Variants in PDK1 observed in about 807,000 individuals in gnomAD.
PDK1 encodes [Pyruvate dehydrogenase (acetyl-transferring)] kinase isozyme 1, mitochondrial.
A neutral mutation model predicts 54.2 loss-of-function variants in PDK1; 39 were observed. That is an observed-to-expected ratio of 0.72 (90% CI 0.56 to 0.94). The LOEUF is 0.94. Ranked by LOEUF, PDK1 falls within the 40% of genes least tolerant of loss-of-function variation. The pLI, the probability that PDK1 is intolerant of heterozygous loss-of-function variation, is 0.00. For missense variants in PDK1, 552 were observed against 566.0 expected (o/e 0.98, Z 0.25); for synonymous variants, 221 against 207.1 (o/e 1.07, Z -0.58).
At chr2:172,618,349 G>A in the PDK1 span, among the ~76,000 whole-genome samples, 3 of 152,238 alleles carry the variant, frequency 2.0e-5, no homozygotes, top group Non-Finnish European at 2.9e-5. Flanking sequence ...AAAAACAAGA[G>A]ATCTTTTTTA....
At chr2:172,675,170 TCTC>T in the PDK1 span, among the ~76,000 whole-genome samples, 1 of 152,058 alleles carries the variant, frequency 6.6e-6, no homozygotes. Flanking sequence ...TCACTCTCTC[TCTC>T]CTCGGCCTCC....
chr2:172,650,329 G>A, the PDK1 span, among the ~76,000 whole-genome samples: 1 of 152,136 alleles, frequency 6.6e-6, no homozygotes, highest in African/African-American at 2.4e-5. Context: ...AGCTCCTGAA[G>A]GAAGCACTAA....
Position 172,600,362 on chromosome 2 carries a change from A to C in PDK1, c.*4393A>C, listed in dbSNP as rs543925347. ...GAGCCCATATGATTATATAACTATA[A>C]AATAGGATGGGACAGAGAAAAATAT... is the stretch of plus-strand genomic sequence containing the variant. On this transcript the variant is annotated 3_prime_UTR_variant, in exon 11 of 11. Coordinates refer to ENST00000282077, the MANE Select transcript of PDK1 (RefSeq NM_002610.5). 2 of 152,358 alleles carry C rather than the reference A, an allele frequency of 1.3e-5. No homozygotes were observed. Among genetic ancestry groups the C allele is most frequent in the African/African-American group, 4.8e-5 (2 of 41,584 alleles). 9.4% of individuals were successfully genotyped at this position (152,358 alleles called of 1,614,324 possible). A position where few individuals can be genotyped will look rare whatever the true frequency, so the allele number is the denominator to read the frequency against.
chr2:172,622,705 T>TATATTATGTGAGATATGTTTATATCTC, the PDK1 span, among the ~76,000 whole-genome samples: 125 of 118,252 alleles, frequency 1.1e-3, no homozygotes, highest in African/African-American at 1.9e-3. Context: ...TTATATCTCA[T>TATATTATGTGAGATATGTTTATATCTC]ATATTATGTG....
the PDK1 span, among the ~76,000 whole-genome samples, chr2:172,637,992 G>A: frequency 3.1e-3 from 465 of 152,220 alleles, 3 homozygotes; most frequent in African/African-American, 0.011. Flanking sequence ...ACTGCACCCA[G>A]CCTGCATTTA....
At position 172,603,289 on chromosome 2, in the gene PDK1, A is replaced by C. The variant is rs1465579188; in HGVS notation, c.*7320A>C. The C allele has an allele frequency of 6.6e-6, 1 of 152,230 alleles. No individual in the cohort carries two copies. Among genetic ancestry groups the C allele is most frequent in the Non-Finnish European group, 1.5e-5 (1 of 68,042 alleles). 9.4% of individuals were successfully genotyped at this position (152,230 alleles called of 1,614,324 possible). A position where few individuals can be genotyped will look rare whatever the true frequency, so the allele number is the denominator to read the frequency against. On this transcript the variant is annotated 3_prime_UTR_variant, in exon 11 of 11. Transcript: ENST00000282077. ...ATTCTTAGAGTACTTAAAAAAGATA[A>C]GAAGGATCTATTCCTGATATACAGG...
intron 8 of PDK1, 115 bp from the exon 9 acceptor site, chr2:172,586,158 CAAAAA>C (rs373332447): frequency 5.0e-4 from 175 of 351,820 alleles, no homozygotes; most frequent in Middle Eastern, 1.2e-3. Context: ...GACTCTGTCT[CAAAAA>C]AAAAAAAAAA....
chr2:172,616,881 A>G, the PDK1 span, among the ~76,000 whole-genome samples: 1 of 152,194 alleles, frequency 6.6e-6, no homozygotes, highest in Non-Finnish European at 1.5e-5. Flanking sequence ...AGAACATGGT[A>G]TACAGTGTAC....
chr2:172,654,006 A>G, the PDK1 span, among the ~76,000 whole-genome samples: 5 of 152,360 alleles, frequency 3.3e-5, no homozygotes, highest in South Asian at 4.1e-4. Flanking sequence ...TATGCAGCCA[A>G]TAGACACATG....
the PDK1 span, among the ~76,000 whole-genome samples, chr2:172,700,847 A>G: frequency 1.3e-5 from 2 of 152,340 alleles, no homozygotes; most frequent in South Asian, 4.1e-4. Flanking sequence ...ACCAAAAAAT[A>G]TAAAAACCAG....
chr2:172,653,980 C>T, the PDK1 span, among the ~76,000 whole-genome samples: 2 of 152,196 alleles, frequency 1.3e-5, no homozygotes, highest in South Asian at 2.1e-4. Flanking sequence ...ACAGACACCT[C>T]TCAAAAGAAA....
chr2:172,685,048 C>T, the PDK1 span, among the ~76,000 whole-genome samples: 1 of 152,160 alleles, frequency 6.6e-6, no homozygotes. Context: ...TCTCTCCTGC[C>T]ACATTGTAAA....
At chr2:172,679,751 G>GA in the PDK1 span, among the ~76,000 whole-genome samples, 5 of 148,378 alleles carry the variant, frequency 3.4e-5, no homozygotes, top group South Asian at 4.3e-4. Context: ...GGGAGAGAAA[G>GA]AAAAAAAAAG....
At chr2:172,669,051 ATTTTTT>A in the PDK1 span, among the ~76,000 whole-genome samples, 4 of 70,574 alleles carry the variant, frequency 5.7e-5, no homozygotes, top group South Asian at 5.7e-4. Context: ...GAATTTCCTG[ATTTTTT>A]TTTTTTTTTT....
At chr2:172,674,497 C>G in the PDK1 span, 1 of 152,594 alleles carries the variant, frequency 6.6e-6, no homozygotes, top group East Asian at 1.9e-4. Flanking sequence ...TACTGGGAGT[C>G]TGGGTTGAAT....
At chr2:172,556,468 G>C (rs1688331326) in intron 1 of PDK1, 122 bp downstream of exon 1, 1 of 644,112 alleles carries the variant, frequency 1.6e-6, no homozygotes, top group Non-Finnish European at 2.3e-6. Context: ...CCTCCTCAGC[G>C]TTTCCGCCCC....
At chr2:172,567,006 T>C (rs1688991309) in intron 6 of PDK1, 73 bp downstream of exon 6, 2 of 1,023,798 alleles carry the variant, frequency 2.0e-6, no homozygotes, top group African/African-American at 1.6e-5. Flanking sequence ...ATTTAAATGT[T>C]TTAATGGAAG....
the PDK1 span, among the ~76,000 whole-genome samples, chr2:172,622,686 G>A: frequency 6.8e-6 from 1 of 146,508 alleles, no homozygotes; most frequent in Non-Finnish European, 1.5e-5. Flanking sequence ...TATATTATGT[G>A]AGATATGTTT....
At chr2:172,578,995 A>G (rs1402400454) in intron 8 of PDK1, among the ~76,000 whole-genome samples, 1 of 152,200 alleles carries the variant, frequency 6.6e-6, no homozygotes, top group Non-Finnish European at 1.5e-5. Context: ...GCATAGAGCA[A>G]TTAGAGGTGA....
Sources: gnomAD v4.1 joint callset for allele counts (sites outside exome capture counted in the v4.1 genomes callset) on GRCh38, gnomAD v4.1.1 for gene constraint, MANE v1.5 for transcripts, NCBI Gene and HGNC (gene_info 2026-07-23, HGNC 2026-07-21) for gene names.